Variants in AHDC1 observed in about 807,000 individuals in gnomAD.
AHDC1 encodes the protein transcription factor Gibbin.
AHDC1 carries 7 observed loss-of-function variants against 87.9 expected under a neutral mutation model. The observed-to-expected ratio is 0.08, with a 90% CI of 0.05 to 0.15. AHDC1 has a LOEUF of 0.15. AHDC1 is among the 10% of genes least tolerant of loss of function. AHDC1 has a pLI of 1.00. For synonymous variants in AHDC1, 1,051 were observed against 1,006.8 expected (o/e 1.04, Z -0.83); for missense variants, 1,841 against 2,253.2 (o/e 0.82, Z 3.70).
chr1:27,547,952 C>G lies in AHDC1; in HGVS notation c.4164G>C (p.Thr1388=). 6.3e-7 allele frequency: 1 copy of G among 1,595,162 alleles called. No individual in the cohort carries two copies. The highest frequency in any genetic ancestry group is 1.3e-5 in the African/African-American group (1 of 74,760). Reference sequence around the variant, plus strand: ...CCTTCTGCAGGCCGGCGTCAAACACCGTGGGTGGGTGGGCCAGCGGTGGGA... The same window carrying G: ...CCTTCTGCAGGCCGGCGTCAAACACGGTGGGTGGGTGGGCCAGCGGTGGGA... ...KHFPPLAHPP[T]VFDAGLQKAY... The change falls in exon 8 of 9, where the codon ACG becomes ACC. Residue 1388 remains threonine (T), a synonymous_variant. Transcript: ENST00000673934. The surrounding 1 kb of genome is among the most constrained non-coding windows in gnomAD (Gnocchi z 4.9).
intron 8 of AHDC1, among the ~76,000 whole-genome samples, chr1:27,544,075 T>C (rs1571217483): frequency 6.6e-6 from 1 of 152,066 alleles, no homozygotes; most frequent in Non-Finnish European, 1.5e-5. Flanking sequence ...CAGTACTGGG[T>C]TCTAATCCTG....
At position 27,579,190 on chromosome 1, in the gene AHDC1, A is replaced by C. The variant is rs770533135; in HGVS notation, c.-628-20307T>G. On this transcript the variant is annotated intron_variant, in intron 3 of 8. Coordinates refer to ENST00000673934, the MANE Select transcript of AHDC1 (RefSeq NM_001371928.1). Reference sequence around the variant, plus strand: ...TGCATAGCTGGGACTACATGCTACCATGCCCAACTAACTTTTTAACGTTTT... The same window carrying C: ...TGCATAGCTGGGACTACATGCTACCCTGCCCAACTAACTTTTTAACGTTTT... Among the ~76,000 whole-genome samples the C allele has an allele frequency of 2.6e-4, 40 of 151,930 alleles. 1 individual carries two copies. The Middle Eastern group carries it at 0.02, about 78-fold the overall frequency.
chr1:27,603,143 A>ACCCCC (rs1156376060), intron 3 of AHDC1, among the ~76,000 whole-genome samples: 1 of 110,424 alleles, frequency 9.1e-6, no homozygotes, highest in Non-Finnish European at 2.0e-5. Context: ...AAACCCGAGA[A>ACCCCC]CCCCCCCTCC....
In AHDC1 at chr1:27,552,097, C is replaced by G; in HGVS notation, c.19G>C (p.Gly7Arg). 1 of 1,469,166 alleles carries G rather than the reference C, an allele frequency of 6.8e-7. No homozygotes were observed. The highest frequency in any genetic ancestry group is 9.0e-7 in the Non-Finnish European group (1 of 1,110,970). The allele number at this position is 1,469,166 out of a possible 1,614,324, so 91.0% of individuals were successfully genotyped here. MRVKPQGLVVTSSAVCS... is the reference protein window; with the variant it reads MRVKPQRLVVTSSAVCS... ...ACGGCACTGGAAGTCACCACCAGGC[C>G]CTGGGGCTTCACACGCATCCTGACC... The change falls in exon 8 of 9, where the codon GGC becomes CGC. Residue 7 changes from glycine to arginine, a missense_variant. Physicochemically the swap from Gly to Arg is moderately radical, Grantham distance 125 (BLOSUM62 -2). Around this residue, in one of 13 missense-constraint regions of AHDC1, gnomAD observed 142 missense variants for 165.6 expected, o/e 0.86. Transcript: ENST00000673934.
chr1:27,549,686 G>A lies in AHDC1; in HGVS notation c.2430C>T (p.Ala810=), dbSNP rs757110211. ...TGCTGTAGTAGCTGCCACGGCCTGA[G>A]GCTCCACTCTCCAGCCCAGTGGAGG... is the stretch of plus-strand genomic sequence containing the variant. The part of the protein sequence containing the change: ...AFASTGLESG[A]SGRGSYYSTG... The change falls in exon 8 of 9, where the codon GCC becomes GCT. Residue 810 remains alanine, a synonymous_variant. Transcript: ENST00000673934. 2 of 1,612,640 alleles carry A rather than the reference G, an allele frequency of 1.2e-6. No homozygotes were observed. The highest frequency in any genetic ancestry group is 1.7e-5 in the Admixed American group (1 of 59,982).
chr1:27,544,089 C>T (rs2019058997), intron 8 of AHDC1, among the ~76,000 whole-genome samples: 1 of 152,120 alleles, frequency 6.6e-6, no homozygotes, highest in Non-Finnish European at 1.5e-5. Flanking sequence ...AATCCTGGCT[C>T]CACTATCTGC....
At chr1:27,553,933 T>C (rs1175375896) in intron 5 of AHDC1, among the ~76,000 whole-genome samples, 1 of 152,080 alleles carries the variant, frequency 6.6e-6, no homozygotes, top group Non-Finnish European at 1.5e-5. Context: ...GGCATGGTGG[T>C]GCACACCTGT....
chr1:27,537,015 T>C (rs771135912), intron 8 of AHDC1, among the ~76,000 whole-genome samples: 4 of 152,134 alleles, frequency 2.6e-5, no homozygotes, highest in Non-Finnish European at 5.9e-5. Flanking sequence ...AAGCCGCCCA[T>C]CGCGTCTCAC....
At position 27,561,568 on chromosome 1, in the gene AHDC1, C is replaced by A. The variant is rs1005420274; in HGVS notation, c.-628-2685G>T. 6.6e-6 allele frequency among the ~76,000 whole-genome samples: 1 copy of A among 152,048 alleles called. No homozygotes were observed. Among genetic ancestry groups the A allele is most frequent in the Non-Finnish European group, 1.5e-5 (1 of 68,008 alleles). On this transcript the variant is annotated intron_variant, in intron 3 of 8. Coordinates refer to ENST00000673934, the MANE Select transcript of AHDC1 (RefSeq NM_001371928.1). This position sits in a 1 kb window ranked among gnomAD's most constrained non-coding sequence, Gnocchi z 4.2. ...AAGGCTCCCTTCACGGTGCTCCAGG[C>A]GCAAGGCAGAATCACATGTTTCCCA... is the stretch of plus-strand genomic sequence containing the variant.
chr1:27,598,673 C>T lies in AHDC1; in HGVS notation c.-629+4724G>A, dbSNP rs1447409406. ...TACCCATAGGGACGTGGGGGGATCA[C>T]ACCAGTGTCACCCCCACAACAGTGG... On this transcript the variant is annotated intron_variant, in intron 3 of 8. Coordinates refer to ENST00000673934, the MANE Select transcript of AHDC1 (RefSeq NM_001371928.1). This position sits in a 1 kb window ranked among gnomAD's most constrained non-coding sequence, Gnocchi z 4.2. 6.6e-6 allele frequency among the ~76,000 whole-genome samples: 1 copy of T among 152,198 alleles called. No homozygotes were observed. The highest frequency in any genetic ancestry group is 2.4e-5 in the African/African-American group (1 of 41,442).
Position 27,547,426 on chromosome 1 carries a change from A to G in AHDC1, c.4690T>C (p.Tyr1564His), listed in dbSNP as rs1455690646. 3.2e-6 allele frequency: 5 copies of G among 1,583,344 alleles called. No individual in the cohort carries two copies. The highest frequency in any genetic ancestry group is 2.7e-5 in the African/African-American group (2 of 74,428). ...TGGGGCATAAAGCCTGGGTACCTGTAGGCGGTGTCCTGCAGGGGCAGCAGC... is the reference window on the plus strand; with the variant it reads ...TGGGGCATAAAGCCTGGGTACCTGTGGGCGGTGTCCTGCAGGGGCAGCAGC... ...DSLLPLQDTAYRYPGFMPQAH... is the reference protein window; with the variant it reads ...DSLLPLQDTAHRYPGFMPQAH... Residue 1564 changes from tyrosine (Y) to histidine (H), a missense_variant, in exon 8 of 9, where the codon TAC becomes CAC. By Grantham distance (83) the Tyr-to-His change is moderately conservative. This residue lies in a region of AHDC1 where 505 missense variants were observed against 626.2 expected (regional missense o/e 0.81). Transcript: ENST00000673934. This position sits in a 1 kb window ranked among gnomAD's most constrained non-coding sequence, Gnocchi z 4.9.
chr1:27,548,342 T>C lies in AHDC1; in HGVS notation c.3774A>G (p.Ser1258=), dbSNP rs1030201456. The C allele has an allele frequency of 6.2e-7, 1 of 1,606,420 alleles. No homozygotes were observed. ...GFPTSASAAA[S]GYPSKRSTGP... is the part of the protein sequence containing the mutation. ...CAGTGCTCCGTTTGGATGGGTAGCC[T>C]GAGGCAGCGGCAGAGGCGGATGTCG... Residue 1258 remains serine, a synonymous_variant, in exon 8 of 9, where the codon TCA becomes TCG. Transcript: ENST00000673934.
intron 3 of AHDC1, among the ~76,000 whole-genome samples, chr1:27,567,461 G>A (rs1262605837): frequency 1.3e-5 from 2 of 152,144 alleles, no homozygotes; most frequent in Non-Finnish European, 2.9e-5. Flanking sequence ...TTGTCTGAAG[G>A]AACAGGCTGA....
intron 5 of AHDC1, chr1:27,553,589 A>G (rs1165699059): frequency 6.6e-6 from 1 of 152,210 alleles, no homozygotes; most frequent in Non-Finnish European, 1.5e-5. Context: ...CACTTTATAT[A>G]GATTATCTCA....
intron 3 of AHDC1, among the ~76,000 whole-genome samples, chr1:27,601,866 C>T (rs1019603811): frequency 3.9e-5 from 6 of 152,178 alleles, no homozygotes; most frequent in African/African-American, 1.4e-4. Context: ...GCCCAGCCGG[C>T]GGCGACAGCA....
At chr1:27,602,517 G>A (rs575346384) in intron 3 of AHDC1, among the ~76,000 whole-genome samples, 1 of 152,216 alleles carries the variant, frequency 6.6e-6, no homozygotes, top group African/African-American at 2.4e-5. Flanking sequence ...CTCAGAGCCA[G>A]CCCCCTGCCC....
At chr1:27,575,883 C>A (rs533388067) in intron 3 of AHDC1, among the ~76,000 whole-genome samples, 2 of 139,246 alleles carry the variant, frequency 1.4e-5, no homozygotes, top group African/African-American at 5.3e-5. Flanking sequence ...CTCTGCTGCC[C>A]GCTGAATGGG....
At chr1:27,538,400 C>CA (rs370786800) in intron 8 of AHDC1, among the ~76,000 whole-genome samples, 1,887 of 60,428 alleles carry the variant, frequency 0.031, 38 homozygotes, top group Middle Eastern at 0.087. Flanking sequence ...AAGACTGTCT[C>CA]AAAAAAAAAA....
At chr1:27,542,764 G>C (rs1355036744) in intron 8 of AHDC1, among the ~76,000 whole-genome samples, 2 of 152,230 alleles carry the variant, frequency 1.3e-5, no homozygotes, top group Non-Finnish European at 2.9e-5. Context: ...CTGGGACGTG[G>C]GAAGATAAGA....
Sources: gnomAD v4.1 joint callset for allele counts (sites outside exome capture counted in the v4.1 genomes callset) on GRCh38, gnomAD v4.1.1 for gene constraint, gnomAD v4.1.1 regional missense constraint, Gnocchi (gnomAD v3.1) non-coding constraint, MANE v1.5 for transcripts, NCBI Gene and HGNC (gene_info 2026-07-23, HGNC 2026-07-21) for gene names.